The following UGT2B15 variants were observed in gnomAD, a reference collection of about 807,000 sequenced individuals.
The protein encoded by UGT2B15 is UDP-glucuronosyltransferase 2B15.
In UGT2B15, 36 loss-of-function variants were observed where a neutral mutation model predicts 45.9. The observed-to-expected ratio is 0.78, with a 90% CI of 0.60 to 1.04. The LOEUF is 1.04. Ranked by LOEUF, UGT2B15 falls within the 50% of genes least tolerant of loss-of-function variation. UGT2B15 has a pLI of 0.00. For missense variants in UGT2B15, 617 were observed against 622.4 expected (o/e 0.99, Z 0.09); for synonymous variants, 219 against 216.4 (o/e 1.01, Z -0.11).
intron 3 of UGT2B15, among the ~76,000 whole-genome samples, chr4:68,657,640 G>A (rs980169443): frequency 5.9e-5 from 9 of 151,984 alleles, no homozygotes; most frequent in African/African-American, 1.9e-4. Flanking sequence ...AAGGTAATAC[G>A]GTCTTTGTGC....
In UGT2B15 at chr4:68,646,817, G is replaced by A. The variant is rs1732486522; in HGVS notation, c.*287C>T. On this transcript the variant is annotated 3_prime_UTR_variant, in exon 6 of 6. Coordinates refer to ENST00000338206, the MANE Select transcript of UGT2B15 (RefSeq NM_001076.4). The stretch of plus-strand genomic sequence containing the variant: ...AGGTTAGCTACATATGTATACATGT[G>A]CCATGTTGGCGTGCTGCATCCAGTA... 1 of 346,110 alleles carries A rather than the reference G, an allele frequency of 2.9e-6. No individual in the cohort carries two copies. The highest frequency in any genetic ancestry group is 2.1e-5 in the African/African-American group (1 of 47,990). The allele number at this position is 346,110 out of a possible 1,614,324, so 21.4% of individuals were successfully genotyped here.
intron 1 of UGT2B15, among the ~76,000 whole-genome samples, chr4:68,669,012 G>T (rs1266911893): frequency 2.6e-5 from 4 of 151,520 alleles, no homozygotes; most frequent in Non-Finnish European, 5.9e-5. Flanking sequence ...GTACTCTAGT[G>T]TCTACAGTTT....
chr4:68,665,576 T>C (rs1402651818), intron 2 of UGT2B15, among the ~76,000 whole-genome samples: 1 of 152,200 alleles, frequency 6.6e-6, no homozygotes, highest in African/African-American at 2.4e-5. Context: ...AATGCCTATA[T>C]GCATTTTTCA....
At chr4:68,661,631 A>T (rs980673813) in intron 3 of UGT2B15, among the ~76,000 whole-genome samples, 16 of 152,052 alleles carry the variant, frequency 1.1e-4, no homozygotes, top group Admixed American at 5.9e-4. Context: ...CAAAAGACTA[A>T]ATATTTAAAC....
At position 68,670,516 on chromosome 4, in the gene UGT2B15, G is replaced by A. The variant is rs529876617; in HGVS notation, c.103C>T (p.His35Tyr). The A allele has an allele frequency of 6.8e-6, 11 of 1,613,896 alleles. No homozygotes were observed. The highest frequency in any genetic ancestry group is 9.3e-6 in the Non-Finnish European group (11 of 1,179,954). The change falls in exon 1 of 6, where the codon CAT becomes TAT. Residue 35 changes from histidine (H) to tyrosine (Y), a missense_variant. His to Tyr is a moderately conservative substitution (Grantham distance 83). Transcript: ENST00000338206. The stretch of plus-strand genomic sequence containing the variant: ...AGGATTGTCTTCATATTTATCCAAT[G>A]GCTGTATTCTGTGGGCCACACTAGC... ...KVLVWPTEYS[H>Y]WINMKTILEE...
chr4:68,664,212 T>C lies in UGT2B15; in HGVS notation c.874-1073A>G, dbSNP rs1262667593. Among the ~76,000 whole-genome samples, 14 of 152,038 alleles carry C rather than the reference T, an allele frequency of 9.2e-5. No homozygotes were observed. The South Asian group carries it at 1.2e-3, about 14-fold the overall frequency. On this transcript the variant is annotated intron_variant, in intron 2 of 5. Transcript: ENST00000338206. ...ACTTGTGTTTCCTGATGTGTCCCTG[T>C]TTTTAAACTTAAATCCATTCTCTAA...
intron 3 of UGT2B15, among the ~76,000 whole-genome samples, chr4:68,655,389 T>G (rs188808414): frequency 2.4e-4 from 36 of 152,238 alleles, no homozygotes; most frequent in Admixed American, 1.3e-3. Flanking sequence ...TAATCAATTT[T>G]GTATATAAAG....
intron 2 of UGT2B15, among the ~76,000 whole-genome samples, chr4:68,663,511 ATT>A (rs889744352): frequency 2.6e-5 from 4 of 151,672 alleles, no homozygotes; most frequent in Non-Finnish European, 5.9e-5. Context: ...TTCAATTCTA[ATT>A]TTTTTTGTGG....
chr4:68,666,749 TATA>T (rs1423061923), intron 2 of UGT2B15, among the ~76,000 whole-genome samples: 16 of 77,812 alleles, frequency 2.1e-4, no homozygotes, highest in East Asian at 6.4e-4. Context: ...TATATATATA[TATA>T]TTTTTTTTTT....
intron 2 of UGT2B15, among the ~76,000 whole-genome samples, chr4:68,666,466 C>T (rs1395527084): frequency 6.6e-6 from 1 of 151,998 alleles, no homozygotes; most frequent in Non-Finnish European, 1.5e-5. Flanking sequence ...TCAGAGACAA[C>T]TTAAGTGTTT....
chr4:68,661,761 A>T (rs900018377), intron 3 of UGT2B15, among the ~76,000 whole-genome samples: 10 of 152,254 alleles, frequency 6.6e-5, no homozygotes, highest in Admixed American at 6.5e-4. Context: ...ACAAATTCAG[A>T]CTATTATCAG....
At chr4:68,664,464 T>C (rs1006538375) in intron 2 of UGT2B15, among the ~76,000 whole-genome samples, 40 of 152,078 alleles carry the variant, frequency 2.6e-4, no homozygotes, top group Non-Finnish European at 3.4e-4. Context: ...TTGGGGGAAA[T>C]TTCTTTATAA....
chr4:68,655,287 G>T, intron 3 of UGT2B15, 105 bp from the exon 4 acceptor site: 1 of 1,378,604 alleles, frequency 7.3e-7, no homozygotes, highest in Non-Finnish European at 1.0e-6. Context: ...CCATATAAAA[G>T]ATGAAGAAAT....
chr4:68,651,161 C>A (rs1037440009), intron 5 of UGT2B15, among the ~76,000 whole-genome samples: 2 of 151,764 alleles, frequency 1.3e-5, no homozygotes, highest in Non-Finnish European at 2.9e-5. Flanking sequence ...TTTGATTTGA[C>A]CCCATTTGTC....
intron 3 of UGT2B15, among the ~76,000 whole-genome samples, chr4:68,658,098 T>C (rs571680027): frequency 1.3e-5 from 2 of 152,176 alleles, no homozygotes; most frequent in Non-Finnish European, 2.9e-5. Context: ...TTCATACAGA[T>C]TACCTATTGA....
At chr4:68,660,346 T>C (rs904198708) in intron 3 of UGT2B15, among the ~76,000 whole-genome samples, 7 of 151,698 alleles carry the variant, frequency 4.6e-5, no homozygotes, top group Admixed American at 4.6e-4. Context: ...GCCCCAAGTT[T>C]ATTTTGGAAC....
chr4:68,647,466 G>C lies in UGT2B15; in HGVS notation c.1314-83C>G, dbSNP rs192425078. ...CAAGTCTATGGATGGTCTTTGAAAAGTGTCACACAAATGATTGAAAGTAAG... is the reference window on the plus strand; with the variant it reads ...CAAGTCTATGGATGGTCTTTGAAAACTGTCACACAAATGATTGAAAGTAAG... On this transcript the variant is annotated intron_variant, in intron 5 of 5. Coordinates refer to ENST00000338206, the MANE Select transcript of UGT2B15 (RefSeq NM_001076.4). The C allele has an allele frequency of 3.5e-6, 5 of 1,410,688 alleles. No homozygotes were observed. In the East Asian group the frequency reaches 7.0e-5, roughly 20 times the overall value. 87.4% of individuals were successfully genotyped at this position (1,410,688 alleles called of 1,614,324 possible). A position where few individuals can be genotyped will look rare whatever the true frequency, so the allele number is the denominator to read the frequency against.
In UGT2B15 at chr4:68,652,093, C is replaced by T. The variant is rs141828039; in HGVS notation, c.1313+1944G>A. Among the ~76,000 whole-genome samples the T allele has an allele frequency of 5.6e-3, 854 of 152,102 alleles. 12 individuals carry two copies. The highest frequency in any genetic ancestry group is 0.019 in the African/African-American group (798 of 41,490). ...CTCCCTGAAGAGGTCCTTCACATCC[C>T]TTGTTAGGCATATGCCTAGGTATTT... On this transcript the variant is annotated intron_variant, in intron 5 of 5. Coordinates refer to ENST00000338206, the MANE Select transcript of UGT2B15 (RefSeq NM_001076.4).
chr4:68,666,068 G>T (rs1578200553), intron 2 of UGT2B15, among the ~76,000 whole-genome samples: 2 of 151,434 alleles, frequency 1.3e-5, no homozygotes, highest in East Asian at 3.9e-4. Context: ...TCCTTATTCT[G>T]CTACTCTCTT....
Sources: allele counts gnomAD v4.1 joint callset (sites outside exome capture counted in the v4.1 genomes callset), GRCh38; gene constraint gnomAD v4.1.1; transcripts MANE v1.5; gene names NCBI Gene and HGNC (gene_info 2026-07-23, HGNC 2026-07-21).